HIVEP3: variants seen among roughly 807,000 people sequenced by gnomAD.
HIVEP3 encodes the protein HIVEP zinc finger 3, also known as transcription factor HIVEP3.
Under a neutral mutation model 152.8 loss-of-function variants are expected in HIVEP3, and 49 were observed. That is an observed-to-expected ratio of 0.32 (90% CI 0.26 to 0.41). The LOEUF is 0.41. Ranked by LOEUF, HIVEP3 falls within the 10% of genes least tolerant of loss-of-function variation. The probability of loss-of-function intolerance (pLI) is 1.00; values close to 1 mark genes in which losing one functional copy is unlikely to be tolerated. For missense variants in HIVEP3, 2,790 were observed against 3,103.3 expected (o/e 0.90, Z 2.40); for synonymous variants, 1,269 against 1,289.0 (o/e 0.98, Z 0.33).
At chr1:41,850,855 T>A (rs1164315748) in intron 1 of HIVEP3, among the ~76,000 whole-genome samples, 1 of 152,224 alleles carries the variant, frequency 6.6e-6, no homozygotes, top group Non-Finnish European at 1.5e-5. Flanking sequence ...CTAACCATCA[T>A]GAAGAATATA....
At chr1:41,646,766 C>A (rs181263176) in intron 2 of HIVEP3, among the ~76,000 whole-genome samples, 2 of 152,326 alleles carry the variant, frequency 1.3e-5, no homozygotes, top group East Asian at 3.9e-4. Flanking sequence ...GCTTCTGTAA[C>A]AAATTATCAC....
chr1:41,997,315 G>A (rs192090886), intron 1 of HIVEP3, among the ~76,000 whole-genome samples: 3 of 152,314 alleles, frequency 2.0e-5, no homozygotes, highest in Non-Finnish European at 1.5e-5. Flanking sequence ...AAACTACCAC[G>A]CCTTTCCTGT....
In HIVEP3 at chr1:41,580,056, G is replaced by C; in HGVS notation, c.4742C>G (p.Ala1581Gly). ...LPLSETSSRP[A>G]KSQEGTDSKK... is the part of the protein sequence containing the mutation. ...TGAGTCCGTACCTTCTTGTGACTTG[G>C]CTGGTCTGGAGGACGTTTCTGACAG... is the stretch of plus-strand genomic sequence containing the variant. The change falls in exon 4 of 9, where the codon GCC becomes GGC. Residue 1581 changes from alanine (A) to glycine (G), a missense_variant. Transcript: ENST00000372583. The C allele has an allele frequency of 6.2e-7, 1 of 1,614,192 alleles. No homozygotes were observed.
At chr1:41,626,181 C>A (rs1356550676) in intron 3 of HIVEP3, among the ~76,000 whole-genome samples, 1 of 151,686 alleles carries the variant, frequency 6.6e-6, no homozygotes, top group Admixed American at 6.5e-5. Context: ...ATGGGCCACC[C>A]CGCCCTCCCC....
At position 41,585,262 on chromosome 1, in the gene HIVEP3, C is replaced by T. The variant is rs181268739; in HGVS notation, c.-465G>A. 2.4e-3 allele frequency: 941 copies of T among 399,152 alleles called. 1 individual carries two copies. The highest frequency in any genetic ancestry group is 2.3e-3 in the Non-Finnish European group (529 of 226,238). The allele number at this position is 399,152 out of a possible 1,614,324, so 24.7% of individuals were successfully genotyped here. ...GCTGGATGCTGGGGGTGGCTCTTCT[C>T]CCCTTTAGTTCTGGGTTGGAGATCA... On this transcript the variant is annotated 5_prime_UTR_variant, in exon 4 of 9. Transcript: ENST00000372583.
intron 1 of HIVEP3, among the ~76,000 whole-genome samples, chr1:41,881,513 T>C (rs562895556): frequency 1.3e-5 from 2 of 152,330 alleles, no homozygotes; most frequent in East Asian, 1.9e-4. Flanking sequence ...TTCTGGTAAA[T>C]ACATAGTAAT....
chr1:41,583,274 G>C lies in HIVEP3; in HGVS notation c.1524C>G (p.Pro508=). 6.2e-7 allele frequency: 1 copy of C among 1,613,442 alleles called. No individual in the cohort carries two copies. The highest frequency in any genetic ancestry group is 8.5e-7 in the Non-Finnish European group (1 of 1,179,856). Residue 508 remains proline, a synonymous_variant, in exon 4 of 9, where the codon CCC becomes CCG. Coordinates refer to ENST00000372583, the MANE Select transcript of HIVEP3 (RefSeq NM_024503.5). This position sits in a 1 kb window ranked among gnomAD's most constrained non-coding sequence, Gnocchi z 6.9. The part of the protein sequence containing the change: ...ESPKSSLYRE[P]LSSHSEKTKP... ...TGGTTTTCTCACTGTGGGATGACAG[G>C]GGCTCCCGGTAGAGGCTGGATTTTG...
Position 41,533,233 on chromosome 1 carries a change from G to C in HIVEP3, c.5208-8323C>G, listed in dbSNP as rs687835. ...ACAGGCCTATGGCAGCTGTCTATCA[G>C]TGTGGACCTCCCCAAGCCTGAGGTA... On this transcript the variant is annotated intron_variant, in intron 5 of 8. Coordinates refer to ENST00000372583, the MANE Select transcript of HIVEP3 (RefSeq NM_024503.5). The surrounding 1 kb of genome is among the most constrained non-coding windows in gnomAD (Gnocchi z 4.3). Among the ~76,000 whole-genome samples, 81,245 of 151,934 alleles carry C rather than the reference G, an allele frequency of 0.53. 22,476 individuals carry two copies. Among genetic ancestry groups the C allele is most frequent in the East Asian group, 0.98 (5,069 of 5,154 alleles).
At chr1:41,564,319 C>G (rs79021572) in intron 5 of HIVEP3, among the ~76,000 whole-genome samples, 2,296 of 152,216 alleles carry the variant, frequency 0.015, 61 homozygotes, top group African/African-American at 0.05. Context: ...GTATGAAAAT[C>G]AGAGAAAACA....
chr1:41,799,058 A>T (rs1481036755), intron 1 of HIVEP3, among the ~76,000 whole-genome samples: 1 of 152,220 alleles, frequency 6.6e-6, no homozygotes, highest in Admixed American at 6.5e-5. Context: ...AACTTCTCAG[A>T]ACCTTTAATA....
At chr1:41,603,405 G>A (rs971555103) in intron 3 of HIVEP3, among the ~76,000 whole-genome samples, 3 of 151,008 alleles carry the variant, frequency 2.0e-5, no homozygotes, top group African/African-American at 7.3e-5. Context: ...TGTCACCCAG[G>A]CTGGAGAGCA....
At chr1:41,641,564 T>G (rs1341300968) in intron 2 of HIVEP3, among the ~76,000 whole-genome samples, 1 of 152,280 alleles carries the variant, frequency 6.6e-6, no homozygotes, top group African/African-American at 2.4e-5. Flanking sequence ...TTCCTTTTTT[T>G]GGACTTTGTG....
chr1:41,647,487 C>T (rs914685059), intron 2 of HIVEP3, among the ~76,000 whole-genome samples: 1 of 152,244 alleles, frequency 6.6e-6, no homozygotes, highest in Non-Finnish European at 1.5e-5. Context: ...CCAGAAATAA[C>T]CCCACTGACA....
At chr1:41,990,486 C>T (rs1202483816) in intron 1 of HIVEP3, among the ~76,000 whole-genome samples, 2 of 145,660 alleles carry the variant, frequency 1.4e-5, no homozygotes, top group East Asian at 2.1e-4. Flanking sequence ...TACAGGAGCA[C>T]CCAGATTCAT....
intron 1 of HIVEP3, among the ~76,000 whole-genome samples, chr1:41,912,026 A>G (rs1434276716): frequency 6.6e-6 from 1 of 152,238 alleles, no homozygotes; most frequent in African/African-American, 2.4e-5. Flanking sequence ...TTAAGAACAA[A>G]AGAATAAAAC....
chr1:41,514,164 T>C (rs563247082), intron 7 of HIVEP3, among the ~76,000 whole-genome samples: 10 of 152,200 alleles, frequency 6.6e-5, no homozygotes, highest in Admixed American at 2.0e-4. Flanking sequence ...TGTTTGTTTG[T>C]TTGTTTGTTT....
chr1:41,943,736 A>G (rs556241121), intron 1 of HIVEP3, among the ~76,000 whole-genome samples: 17 of 152,248 alleles, frequency 1.1e-4, no homozygotes, highest in Non-Finnish European at 2.1e-4. Flanking sequence ...ATGGCATCTG[A>G]AAGTTATTGG....
chr1:41,769,986 T>C (rs547662317), intron 1 of HIVEP3, among the ~76,000 whole-genome samples: 12 of 152,342 alleles, frequency 7.9e-5, no homozygotes, highest in East Asian at 5.8e-4. Flanking sequence ...GTTTGTTTTT[T>C]GAGACAGAGT....
At chr1:41,512,785 A>G (rs1407719655) in intron 8 of HIVEP3, 31 bp downstream of exon 8, 1 of 1,453,416 alleles carries the variant, frequency 6.9e-7, no homozygotes, top group Admixed American at 2.6e-5. Flanking sequence ...ACAGGGGAGA[A>G]GCGGCCCAGC....
Sources: gnomAD v4.1 joint callset for allele counts (sites outside exome capture counted in the v4.1 genomes callset) on GRCh38, gnomAD v4.1.1 for gene constraint, Gnocchi (gnomAD v3.1) non-coding constraint, MANE v1.5 for transcripts, NCBI Gene and HGNC (gene_info 2026-07-23, HGNC 2026-07-21) for gene names.